The following TRIM52 variants were observed in gnomAD, a reference collection of about 807,000 sequenced individuals.
TRIM52 encodes the protein E3 ubiquitin-protein ligase TRIM52.
In TRIM52, 24 loss-of-function variants were observed where a neutral mutation model predicts 27.0. That is an observed-to-expected ratio of 0.89 (90% confidence interval 0.64 to 1.25). The LOEUF (loss-of-function observed/expected upper bound fraction) is 1.25, where lower values mean the gene tolerates loss of function less well. TRIM52 is among the 50% of genes most tolerant of loss of function. The pLI is 0.00. For missense variants in TRIM52, 351 were observed against 354.7 expected (o/e 0.99, Z 0.08); for synonymous variants, 125 against 126.5 (o/e 0.99, Z 0.08).
intron 1 of TRIM52, chr5:181,258,661 G>A (rs1759894004): frequency 6.6e-6 from 1 of 152,148 alleles, no homozygotes; most frequent in South Asian, 2.1e-4. Context: ...AATACATGAA[G>A]CCTGTAGGAC....
chr5:181,249,494 T>C (rs184158229), downstream of TRIM52, among the ~76,000 whole-genome samples: 694 of 152,112 alleles, frequency 4.6e-3, 4 homozygotes, highest in African/African-American at 0.016. Context: ...ACCAACACAG[T>C]GAGACCCCAT....
In TRIM52 at chr5:181,260,077, CA is replaced by C; in HGVS notation, c.736del (p.Cys246ValfsTer28). 2 of 1,614,244 alleles carry C rather than the reference CA, an allele frequency of 1.2e-6. No homozygotes were observed. The highest frequency in any genetic ancestry group is 1.7e-6 in the Non-Finnish European group (2 of 1,180,052). ...LFCEVDKEAI[C>X]VVCRESRSHK... The stretch of plus-strand genomic sequence containing the variant: ...GCTCCTGGATTCTCGGCACACCACA[CA>C]GATGGCCTCTTTGTCCACCTCACAG... On this transcript the variant is annotated frameshift_variant, in exon 1 of 2. Coordinates refer to ENST00000688015, the MANE Select transcript of TRIM52 (RefSeq NM_001346048.2). LOFTEE classifies it high-confidence loss of function. The surrounding 1 kb of genome is among the most constrained non-coding windows in gnomAD (Gnocchi z 4.4).
chr5:181,251,914 T>A (rs1375461337), downstream of TRIM52, among the ~76,000 whole-genome samples: 5 of 152,160 alleles, frequency 3.3e-5, no homozygotes, highest in Non-Finnish European at 5.9e-5. Flanking sequence ...CAATACTAGG[T>A]TTTGCCCCCC....
intron 1 of TRIM52, chr5:181,259,308 A>G (rs75954717): frequency 0.075 from 11,511 of 154,434 alleles, 712 homozygotes; most frequent in East Asian, 0.26. Context: ...CTAGACAGTA[A>G]GTGGCAGAGC....
Position 181,260,159 on chromosome 5 carries a change from T to G in TRIM52, c.655A>C (p.Asn219His). ...RQMCPTPYRG[N>H]RSNDQGMCFK... ...CACATGCCCTGATCATTACTCCGGT[T>G]TCCCCGATAAGGAGTGGGGCACATC... The change falls in exon 1 of 2, where the codon AAC becomes CAC. Residue 219 changes from asparagine to histidine, a missense_variant. By Grantham distance (68) the Asn-to-His change is moderately conservative. Coordinates refer to ENST00000688015, the MANE Select transcript of TRIM52 (RefSeq NM_001346048.2). This position sits in a 1 kb window ranked among gnomAD's most constrained non-coding sequence, Gnocchi z 4.4. 1.2e-6 allele frequency: 2 copies of G among 1,614,250 alleles called. No individual in the cohort carries two copies. The highest frequency in any genetic ancestry group is 1.7e-6 in the Non-Finnish European group (2 of 1,180,054).
At chr5:181,258,797 A>G (rs1296509177) in intron 1 of TRIM52, 4 of 150,492 alleles carry the variant, frequency 2.7e-5, no homozygotes, top group African/African-American at 9.9e-5. Context: ...ACTATGTTCC[A>G]TGTGTTCTAA....
chr5:181,260,005 T>G lies in TRIM52; in HGVS notation c.809A>C (p.Tyr270Ser), dbSNP rs1259267992. The G allele has an allele frequency of 6.2e-7, 1 of 1,613,736 alleles. No individual in the cohort carries two copies. The highest frequency in any genetic ancestry group is 1.1e-5 in the South Asian group (1 of 91,050). Reference sequence around the variant, plus strand: ...ACATTCCCTCATTTCTCTCACCTGGTACTCCTGCACCACCTCCTCCAAAGG... The same window carrying G: ...ACATTCCCTCATTTCTCTCACCTGGGACTCCTGCACCACCTCCTCCAAAGG... Reference protein sequence around the residue: ...VLPLEEVVQEYQKIGSTSSVE... With the variant: ...VLPLEEVVQESQKIGSTSSVE... The change falls in exon 1 of 2, where the codon TAC (tyrosine) becomes TCC (serine). Residue 270 changes from tyrosine to serine, a missense_variant. By Grantham distance (144) the Tyr-to-Ser change is moderately radical. Transcript: ENST00000688015. The surrounding 1 kb of genome is among the most constrained non-coding windows in gnomAD (Gnocchi z 4.4).
chr5:181,250,263 C>T (rs1033494278), downstream of TRIM52, among the ~76,000 whole-genome samples: 2 of 152,066 alleles, frequency 1.3e-5, no homozygotes, highest in African/African-American at 2.4e-5. Flanking sequence ...TGGCCGGGCG[C>T]GGTGGTTCAT....
At chr5:181,253,451 A>C (rs1267666482), downstream of TRIM52, among the ~76,000 whole-genome samples, 4 of 142,474 alleles carry the variant, frequency 2.8e-5, 1 homozygote, top group Admixed American at 2.7e-4. Context: ...CAAGAGGATG[A>C]TATGTGGACA....
downstream of TRIM52, among the ~76,000 whole-genome samples, chr5:181,252,605 G>T (rs538930198): frequency 1.1e-4 from 16 of 152,340 alleles, no homozygotes; most frequent in Non-Finnish European, 1.8e-4. Context: ...TTTCAGAGGA[G>T]TTAGGAATTG....
Position 181,260,363 on chromosome 5 carries a change from C to G in TRIM52, c.451G>C (p.Glu151Gln). 6.2e-7 allele frequency: 1 copy of G among 1,614,138 alleles called. No homozygotes were observed. The highest frequency in any genetic ancestry group is 8.5e-7 in the Non-Finnish European group (1 of 1,180,022). ...PDLRIDVYRE[E>Q]EILEAYDEDE... ...TCATCGTATGCTTCCAGTATTTCTT[C>G]TTCTCGGTAGACATCAATTCTCAGG... Residue 151 changes from glutamate (E) to glutamine (Q), a missense_variant, in exon 1 of 2, where the codon GAA becomes CAA. Glu to Gln is a conservative substitution (Grantham distance 29). Transcript: ENST00000688015. This position sits in a 1 kb window ranked among gnomAD's most constrained non-coding sequence, Gnocchi z 4.4.
In TRIM52 at chr5:181,255,883, T is replaced by C. The variant is rs149990785; in HGVS notation, c.*926A>G. On this transcript the variant is annotated 3_prime_UTR_variant, in exon 2 of 2. Transcript: ENST00000688015. Reference sequence around the variant, plus strand: ...ATTGTTCTTCCAACCTTGGGGTTGTTCTGTCCACAAGTTCAGCAGAATCCG... The same window carrying C: ...ATTGTTCTTCCAACCTTGGGGTTGTCCTGTCCACAAGTTCAGCAGAATCCG... 6.6e-6 allele frequency: 1 copy of C among 152,244 alleles called. No homozygotes were observed. Among genetic ancestry groups the C allele is most frequent in the Non-Finnish European group, 1.5e-5 (1 of 68,040 alleles). The allele number at this position is 152,244 out of a possible 1,614,324, so 9.4% of individuals were successfully genotyped here. A position where few individuals can be genotyped will look rare whatever the true frequency, so the allele number is the denominator to read the frequency against.
chr5:181,260,436 TTC>T lies in TRIM52; in HGVS notation c.376_377del (p.Glu126ArgfsTer16), dbSNP rs750954637. On this transcript the variant is annotated frameshift_variant, in exon 1 of 2. Transcript: ENST00000688015. LOFTEE classifies it high-confidence loss of function. The surrounding 1 kb of genome is among the most constrained non-coding windows in gnomAD (Gnocchi z 4.4). ...AATAGTCCTGATCTTCCTCTTCTTCTTCTTCCTCCTCGTCCCACATATAGTCT... is the reference window on the plus strand; with the variant it reads ...AATAGTCCTGATCTTCCTCTTCTTCTTTCCTCCTCGTCCCACATATAGTCT... ...NVDYMWDEEE[E>X]EEEEDQDYYL... The T allele has an allele frequency of 6.2e-7, 1 of 1,614,054 alleles. No individual in the cohort carries two copies. Among genetic ancestry groups the T allele is most frequent in the South Asian group, 1.1e-5 (1 of 91,074 alleles).
rs147675405 is a variant in TRIM52 at position 181,257,496 on chromosome 5, T to C, written c.814-637A>G. On this transcript the variant is annotated intron_variant, in intron 1 of 1. Transcript: ENST00000688015. ...CAGAGTTGTTTCCAACTTTATTTCC[T>C]ATATTATGAAAAATGAAGTTTTTTT... The C allele has an allele frequency of 1.8e-5, 29 of 1,608,056 alleles. No individual in the cohort carries two copies. The African/African-American group carries it at 3.5e-4, about 19-fold the overall frequency.
intron 1 of TRIM52, 130 bp downstream of exon 1, chr5:181,259,871 C>T (rs1582318540): frequency 6.4e-7 from 1 of 1,553,572 alleles, no homozygotes; most frequent in East Asian, 2.2e-5. Context: ...ACCGTGTCTC[C>T]CTCATCAAAT....
chr5:181,249,337 C>T (rs887135918), downstream of TRIM52, among the ~76,000 whole-genome samples: 4 of 152,042 alleles, frequency 2.6e-5, no homozygotes, highest in African/African-American at 9.7e-5. Flanking sequence ...TAAGAGGTCT[C>T]TCTCATCCCT....
At position 181,256,859 on chromosome 5, in the gene TRIM52, T is replaced by G. The variant is rs115942046; in HGVS notation, c.814A>C (p.Lys272Gln). 3,220 of 985,474 alleles carry G rather than the reference T, an allele frequency of 3.3e-3. 87 individuals carry two copies. The African/African-American group carries it at 0.053, about 16-fold the overall frequency. The allele number at this position is 985,474 out of a possible 1,614,324, so 61.0% of individuals were successfully genotyped here. The stretch of plus-strand genomic sequence containing the variant: ...TCAACTGAAGAAGTTGACCCTATCT[T>G]CTGCAAAATAACATGAGTATATACT... The part of the protein sequence containing the change: ...PLEEVVQEYQ[K>Q]IGSTSSVELS... Residue 272 changes from lysine to glutamine, a missense_variant and splice_region_variant, in exon 2 of 2, where the codon AAG (lysine) becomes CAG (glutamine). Physicochemically the swap from Lys to Gln is moderately conservative, Grantham distance 53. Transcript: ENST00000688015.
chr5:181,256,888 G>GAA (rs1385162975), intron 1 of TRIM52, 29 bp from the exon 2 acceptor site: 61 of 985,504 alleles, frequency 6.2e-5, no homozygotes, highest in Non-Finnish European at 7.1e-5. Context: ...ATATACTTGA[G>GAA]AAAAGCCTCA....
At chr5:181,254,818 T>C (rs1333131147), downstream of TRIM52, 5 of 152,202 alleles carry the variant, frequency 3.3e-5, no homozygotes, top group East Asian at 3.8e-4. Flanking sequence ...GCAGGTGTAA[T>C]TGGAGTGTGC....
Sources: allele counts gnomAD v4.1 joint callset (sites outside exome capture counted in the v4.1 genomes callset), GRCh38; gene constraint gnomAD v4.1.1; non-coding constraint Gnocchi (gnomAD v3.1); transcripts MANE v1.5; gene names NCBI Gene and HGNC (gene_info 2026-07-23, HGNC 2026-07-21).